Variants in CTNNA2 observed in about 807,000 individuals in gnomAD.
CTNNA2 encodes the protein catenin alpha-2.
A neutral mutation model predicts 101.0 loss-of-function variants in CTNNA2; 42 were observed. The observed-to-expected ratio is 0.42, with a 90% CI of 0.32 to 0.54. The LOEUF is 0.54. CTNNA2 is among the 20% of genes least tolerant of loss of function. The pLI is 0.14. For synonymous variants in CTNNA2, 450 were observed against 456.4 expected (o/e 0.99, Z 0.18); for missense variants, 871 against 1,223.1 (o/e 0.71, Z 4.29).
intron 7 of CTNNA2, among the ~76,000 whole-genome samples, chr2:80,056,657 T>A (rs1697232769): frequency 6.6e-6 from 1 of 152,236 alleles, no homozygotes; most frequent in Non-Finnish European, 1.5e-5. Context: ...TACATTTTGC[T>A]TTGCTTTATC....
intron 7 of CTNNA2, among the ~76,000 whole-genome samples, chr2:80,143,396 A>G (rs1368032182): frequency 1.3e-5 from 2 of 152,188 alleles, no homozygotes; most frequent in African/African-American, 2.4e-5. Context: ...GAGCTAGTCA[A>G]TGTATCTGTC....
chr2:79,692,600 A>G (rs1484376652), intron 2 of CTNNA2, among the ~76,000 whole-genome samples: 5 of 152,064 alleles, frequency 3.3e-5, no homozygotes, highest in Non-Finnish European at 5.9e-5. Flanking sequence ...CACTGTTCAT[A>G]ATAGCAAAGA....
intron 2 of CTNNA2, among the ~76,000 whole-genome samples, chr2:79,272,292 C>T (rs1000364144): frequency 5.3e-5 from 8 of 151,770 alleles, no homozygotes; most frequent in African/African-American, 1.9e-4. Context: ...AGATCTCTTC[C>T]TGAAAATTCT....
rs3219982 is a variant in CTNNA2 at position 80,279,049 on chromosome 2, C to CGTGTGTGTGTGTGTGTGT, written c.1057-114142_1057-114125dup. On this transcript the variant is annotated intron_variant, in intron 7 of 18. Coordinates refer to ENST00000402739, the MANE Select transcript of CTNNA2 (RefSeq NM_001282597.3). ...TTCCCTGGTACATTAATGACTTTTA[C>CGTGTGTGTGTGTGTGTGT]GTGTGTGTGTGTGTGTGTGTGTGTG... 2.3e-3 allele frequency among the ~76,000 whole-genome samples: 309 copies of CGTGTGTGTGTGTGTGTGT among 135,810 alleles called. 1 individual carries two copies. The highest frequency in any genetic ancestry group is 3.2e-3 in the African/African-American group (117 of 36,152). The allele number at this position is 135,810 out of a possible 152,430, so 89.1% of individuals were successfully genotyped here. A position where few individuals can be genotyped will look rare whatever the true frequency, so the allele number is the denominator to read the frequency against.
chr2:80,395,234 C>G (rs999490300), intron 8 of CTNNA2, among the ~76,000 whole-genome samples: 5 of 152,078 alleles, frequency 3.3e-5, no homozygotes, highest in South Asian at 2.1e-4. Context: ...GGAGTGTGTC[C>G]TTCCCTGAAG....
At chr2:80,301,525 A>G (rs759148093) in intron 7 of CTNNA2, among the ~76,000 whole-genome samples, 2 of 152,152 alleles carry the variant, frequency 1.3e-5, no homozygotes, top group Non-Finnish European at 2.9e-5. Flanking sequence ...GCTTTTTAAA[A>G]ACCATTTGCA....
intron 3 of CTNNA2, among the ~76,000 whole-genome samples, chr2:79,349,322 T>A (rs550376018): frequency 2.0e-3 from 309 of 152,346 alleles, no homozygotes; most frequent in African/African-American, 7.4e-3. Context: ...GAGCAGTGTT[T>A]CTTTGAAATT....
intron 1 of CTNNA2, among the ~76,000 whole-genome samples, chr2:79,629,777 T>A (rs1679563788): frequency 6.6e-6 from 1 of 152,162 alleles, no homozygotes; most frequent in Admixed American, 6.5e-5. Context: ...GGTATATTAA[T>A]GACTTTTTTT....
At chr2:79,850,197 C>G (rs577577953) in intron 3 of CTNNA2, among the ~76,000 whole-genome samples, 32 of 151,622 alleles carry the variant, frequency 2.1e-4, no homozygotes, top group African/African-American at 6.1e-4. Flanking sequence ...CTCTCCCTTC[C>G]TTTCTTCCTT....
At chr2:80,064,708 C>A in intron 7 of CTNNA2, among the ~76,000 whole-genome samples, 1 of 152,300 alleles carries the variant, frequency 6.6e-6, no homozygotes, top group Non-Finnish European at 1.5e-5. Flanking sequence ...CTCAATATTT[C>A]CAACAGGAAG....
intron 7 of CTNNA2, among the ~76,000 whole-genome samples, chr2:80,080,052 T>C (rs990045387): frequency 6.6e-6 from 1 of 152,162 alleles, no homozygotes; most frequent in African/African-American, 2.4e-5. Flanking sequence ...AGAAGTTCAC[T>C]GCTCCAGGTT....
chr2:79,686,614 G>C (rs906438116), intron 2 of CTNNA2, among the ~76,000 whole-genome samples: 1 of 152,024 alleles, frequency 6.6e-6, no homozygotes, highest in African/African-American at 2.4e-5. Flanking sequence ...AACAGAATGA[G>C]AGGAAGAAGT....
chr2:80,617,038 T>G (rs1334418618), intron 17 of CTNNA2, among the ~76,000 whole-genome samples: 2 of 151,860 alleles, frequency 1.3e-5, no homozygotes, highest in South Asian at 4.1e-4. Flanking sequence ...TAAAAGTGTT[T>G]AACTCCATTT....
At chr2:80,112,493 C>G (rs754482391) in intron 7 of CTNNA2, among the ~76,000 whole-genome samples, 1 of 152,152 alleles carries the variant, frequency 6.6e-6, no homozygotes, top group Admixed American at 6.5e-5. Context: ...AGGTTTCCAT[C>G]ATCACCATTA....
chr2:80,344,470 A>G (rs1414644513), intron 7 of CTNNA2, among the ~76,000 whole-genome samples: 3 of 152,112 alleles, frequency 2.0e-5, no homozygotes, highest in African/African-American at 7.2e-5. Flanking sequence ...TGAATGTTTT[A>G]TTGGTGTCTC....
intron 1 of CTNNA2, among the ~76,000 whole-genome samples, chr2:79,629,408 A>T (rs1380931554): frequency 2.0e-5 from 3 of 152,214 alleles, no homozygotes; most frequent in Admixed American, 1.3e-4. Flanking sequence ...TTTTTTTAAC[A>T]TAAGTAGGAC....
At chr2:80,052,265 T>TA (rs1696924129) in intron 7 of CTNNA2, among the ~76,000 whole-genome samples, 1 of 152,218 alleles carries the variant, frequency 6.6e-6, no homozygotes, top group Non-Finnish European at 1.5e-5. Context: ...TACAGCTACA[T>TA]ACATTTAGCC....
intron 7 of CTNNA2, among the ~76,000 whole-genome samples, chr2:80,209,148 A>C (rs1313190947): frequency 6.6e-6 from 1 of 151,992 alleles, no homozygotes; most frequent in Non-Finnish European, 1.5e-5. Flanking sequence ...TGGAAACAAT[A>C]TCTGTCACAC....
chr2:79,196,772 T>C (rs2104171404), intron 1 of CTNNA2, among the ~76,000 whole-genome samples: 1 of 152,358 alleles, frequency 6.6e-6, no homozygotes, highest in Middle Eastern at 3.4e-3. Context: ...AAGTTGAAAT[T>C]GTGCTATCTC....
Sources: gnomAD v4.1 joint callset for allele counts (sites outside exome capture counted in the v4.1 genomes callset) on GRCh38, gnomAD v4.1.1 for gene constraint, MANE v1.5 for transcripts, NCBI Gene and HGNC (gene_info 2026-07-23, HGNC 2026-07-21) for gene names.